COL4A4: variants seen among roughly 807,000 people sequenced by gnomAD.
The protein encoded by COL4A4 is collagen alpha-4(IV) chain.
COL4A4 carries 105 observed loss-of-function variants against 192.9 expected under a neutral mutation model. The observed-to-expected ratio is 0.54, with a 90% CI of 0.46 to 0.64. COL4A4 has a LOEUF of 0.64. Ranked by LOEUF, COL4A4 falls within the 30% of genes least tolerant of loss-of-function variation. The pLI is 0.00. For synonymous variants in COL4A4, 762 were observed against 769.9 expected, an observed-to-expected ratio of 0.99 and a Z score of 0.17; for missense variants, 1,967 against 2,169.3, an observed-to-expected ratio of 0.91 and a Z score of 1.85.
downstream of COL4A4, among the ~76,000 whole-genome samples, chr2:227,001,781 A>G (rs76334771): frequency 0.015 from 2,288 of 151,918 alleles, 48 homozygotes; most frequent in African/African-American, 0.053. Flanking sequence ...CTGCTGTGAC[A>G]TAGTAGACGG....
intron 37 of COL4A4, among the ~76,000 whole-genome samples, chr2:227,041,854 GAAAGAAAGAA>G (rs1559478353): frequency 5.7e-4 from 57 of 99,292 alleles, no homozygotes; most frequent in African/African-American, 1.1e-3. Flanking sequence ...GAAAGAGAAA[GAAAGAAAGAA>G]AGAAAGAAAG....
At chr2:227,023,597 A>C (rs1280857249) in intron 43 of COL4A4, among the ~76,000 whole-genome samples, 1 of 152,258 alleles carries the variant, frequency 6.6e-6, no homozygotes, top group African/African-American at 2.4e-5. Flanking sequence ...AACAATAATG[A>C]CAACAGCTAA....
chr2:227,047,570 G>A (rs1973146329), intron 34 of COL4A4, 21 bp from the exon 35 acceptor site: 2 of 1,565,576 alleles, frequency 1.3e-6, no homozygotes, highest in Admixed American at 1.7e-5. Context: ...TAAAATGCAT[G>A]TGACATTACT....
At position 227,027,884 on chromosome 2, in the gene COL4A4, T is replaced by C. The variant is rs1338286038; in HGVS notation, c.4081+18A>G. On this transcript the variant is annotated intron_variant, in intron 42 of 47. Coordinates refer to ENST00000396625, the MANE Select transcript of COL4A4 (RefSeq NM_000092.5). The stretch of plus-strand genomic sequence containing the variant: ...GTAAATGTTTAAACAAAATGCTGTA[T>C]GTAGGTTGGAAGCTCACCCGGAAGA... 1 of 1,522,416 alleles carries C rather than the reference T, an allele frequency of 6.6e-7. No individual in the cohort carries two copies. The highest frequency in any genetic ancestry group is 9.1e-7 in the Non-Finnish European group (1 of 1,097,086). The allele number at this position is 1,522,416 out of a possible 1,614,324, so 94.3% of individuals were successfully genotyped here. A position where few individuals can be genotyped will look rare whatever the true frequency, so the allele number is the denominator to read the frequency against.
the COL4A4 span, among the ~76,000 whole-genome samples, chr2:226,978,042 G>A: frequency 1.3e-5 from 2 of 152,184 alleles, no homozygotes; most frequent in Non-Finnish European, 2.9e-5. Context: ...TCATGTTGGT[G>A]TAGTGTCCTC....
chr2:227,123,946 C>T lies in COL4A4; in HGVS notation c.193-2798G>A, dbSNP rs2061944935. Among the ~76,000 whole-genome samples, 1 of 152,164 alleles carries T rather than the reference C, an allele frequency of 6.6e-6. No individual in the cohort carries two copies. The highest frequency in any genetic ancestry group is 2.4e-5 in the African/African-American group (1 of 41,444). ...TGACCTTGGGTATGTTTCTTAACCT[C>T]TCTGTTCCTTGGCATCTTTATCTGT... On this transcript the variant is annotated intron_variant, in intron 4 of 47. Coordinates refer to ENST00000396625, the MANE Select transcript of COL4A4 (RefSeq NM_000092.5). The surrounding 1 kb of genome is among the most constrained non-coding windows in gnomAD (Gnocchi z 4.6).
At chr2:227,128,730 G>A (rs1468611198) in intron 4 of COL4A4, among the ~76,000 whole-genome samples, 1 of 151,984 alleles carries the variant, frequency 6.6e-6, no homozygotes, top group Non-Finnish European at 1.5e-5. Flanking sequence ...CAAGCACCTG[G>A]CCCATGGTCT....
intron 12 of COL4A4, among the ~76,000 whole-genome samples, chr2:227,105,942 G>T (rs1435401925): frequency 1.3e-5 from 2 of 151,678 alleles, no homozygotes; most frequent in Non-Finnish European, 2.9e-5. Context: ...TACATAAAAT[G>T]CTTCCCGTAT....
chr2:227,084,921 C>T (rs1025552279), intron 22 of COL4A4, among the ~76,000 whole-genome samples: 15 of 152,230 alleles, frequency 9.9e-5, no homozygotes, highest in South Asian at 8.3e-4. Flanking sequence ...CACCTGAGGT[C>T]AGGAGTTCAA....
chr2:226,973,719 T>C, the COL4A4 span, among the ~76,000 whole-genome samples: 1 of 152,204 alleles, frequency 6.6e-6, no homozygotes, highest in Non-Finnish European at 1.5e-5. Flanking sequence ...TTATCATTGT[T>C]ATTGTCTGAG....
the COL4A4 span, chr2:226,995,359 C>G: frequency 4.3e-6 from 4 of 921,212 alleles, no homozygotes; most frequent in African/African-American, 6.5e-5. Flanking sequence ...ACTTTGTTCC[C>G]TTGGAATCCT....
intron 37 of COL4A4, among the ~76,000 whole-genome samples, chr2:227,039,078 A>G (rs1366283580): frequency 6.6e-6 from 1 of 152,174 alleles, no homozygotes; most frequent in Admixed American, 6.5e-5. Flanking sequence ...TTTTTAACAC[A>G]CTATTTCATA....
At chr2:227,060,560 A>G (rs1165341237) in intron 26 of COL4A4, among the ~76,000 whole-genome samples, 1 of 152,136 alleles carries the variant, frequency 6.6e-6, no homozygotes, top group East Asian at 1.9e-4. Flanking sequence ...CTGAAACACG[A>G]CTATGCAACC....
Position 227,123,593 on chromosome 2 carries a change from G to A in COL4A4, c.193-2445C>T, listed in dbSNP as rs1180450201. ...CATCTCAGTGTTATCCCGCCCTAGG[G>A]GAAGGGAGTGGGGGTATTTATCTCC... On this transcript the variant is annotated intron_variant, in intron 4 of 47. Transcript: ENST00000396625. The surrounding 1 kb of genome is among the most constrained non-coding windows in gnomAD (Gnocchi z 4.6). 6.6e-6 allele frequency among the ~76,000 whole-genome samples: 1 copy of A among 152,208 alleles called. No homozygotes were observed. The highest frequency in any genetic ancestry group is 1.5e-5 in the Non-Finnish European group (1 of 68,036).
chr2:227,163,470 C>G (rs2065019354), intron 1 of COL4A4, among the ~76,000 whole-genome samples: 1 of 152,222 alleles, frequency 6.6e-6, no homozygotes, highest in Non-Finnish European at 1.5e-5. Flanking sequence ...AAAACTGATT[C>G]TGATTTAATT....
intron 19 of COL4A4, among the ~76,000 whole-genome samples, chr2:227,095,283 A>T (rs2060150373): frequency 6.6e-6 from 1 of 152,214 alleles, no homozygotes. Context: ...AACATAAAAT[A>T]TTGTACCTAT....
intron 4 of COL4A4, among the ~76,000 whole-genome samples, chr2:227,126,982 A>G (rs777457103): frequency 1.3e-5 from 2 of 152,370 alleles, no homozygotes; most frequent in Non-Finnish European, 1.5e-5. Flanking sequence ...CTAGAGAATC[A>G]TTAAATAATC....
At position 227,028,012 on chromosome 2, in the gene COL4A4, T is replaced by TC. The variant is rs1553624204; in HGVS notation, c.3974-4_3974-3insG. 6 of 1,448,042 alleles carry TC rather than the reference T, an allele frequency of 4.1e-6. No homozygotes were observed. In the African/African-American group the frequency reaches 8.6e-5, roughly 21 times the overall value. The allele number at this position is 1,448,042 out of a possible 1,614,324, so 89.7% of individuals were successfully genotyped here. ...CGGTCCCGGGAATCCCACTGGTCCT[T>TC]AAAAAAAAACAAAACATAAAAATGA... is the stretch of plus-strand genomic sequence containing the variant. On this transcript the variant is annotated splice_polypyrimidine_tract_variant and splice_region_variant and intron_variant, in intron 41 of 47. Transcript: ENST00000396625.
intron 7 of COL4A4, among the ~76,000 whole-genome samples, chr2:227,115,271 T>TA (rs1451855533): frequency 9.0e-6 from 1 of 111,152 alleles, no homozygotes; most frequent in African/African-American, 3.4e-5. Flanking sequence ...CTTTAATTCT[T>TA]TTTTTTTTTT....
Sources: allele counts gnomAD v4.1 joint callset (sites outside exome capture counted in the v4.1 genomes callset), GRCh38; gene constraint gnomAD v4.1.1; non-coding constraint Gnocchi (gnomAD v3.1); transcripts MANE v1.5; gene names NCBI Gene and HGNC (gene_info 2026-07-23, HGNC 2026-07-21).